The following DPF3 variants were observed in gnomAD, a reference collection of about 807,000 sequenced individuals.
The protein encoded by DPF3 is double PHD fingers 3.
DPF3 carries 18 observed loss-of-function variants against 56.8 expected under a neutral mutation model. The ratio of observed to expected loss-of-function variants is 0.32; its 90% confidence interval spans 0.22 to 0.47. The LOEUF (loss-of-function observed/expected upper bound fraction) is 0.47. Ranked by LOEUF, DPF3 falls within the 20% of genes least tolerant of loss-of-function variation. The probability of loss-of-function intolerance (pLI) is 1.00; values close to 1 mark genes in which losing one functional copy is unlikely to be tolerated. For missense variants in DPF3, 403 were observed against 488.8 expected, an observed-to-expected ratio of 0.82 and a Z score of 1.65; for synonymous variants, 188 against 180.2, an observed-to-expected ratio of 1.04 and a Z score of -0.35.
At chr14:72,773,447 T>C (rs1332501545) in intron 1 of DPF3, among the ~76,000 whole-genome samples, 1 of 152,186 alleles carries the variant, frequency 6.6e-6, no homozygotes, top group Non-Finnish European at 1.5e-5. Context: ...ATTTCTTAAT[T>C]GTGGTAAAAT....
At position 72,611,673 on chromosome 14, in the gene DPF3, G is replaced by T. The variant is rs1883735337; in HGVS notation, c.*7624C>A. Among the ~76,000 whole-genome samples, 1 of 152,162 alleles carries T rather than the reference G, an allele frequency of 6.6e-6. No individual in the cohort carries two copies. The highest frequency in any genetic ancestry group is 1.5e-5 in the Non-Finnish European group (1 of 68,036). The stretch of plus-strand genomic sequence containing the variant: ...ACACTGGCTGCCCAACACACTCCAG[G>T]CCAGGTGACTTCATCAGTTCACCAG... On this transcript the variant is annotated 3_prime_UTR_variant, in exon 11 of 11. Transcript: ENST00000556509.
chr14:72,879,969 G>A, intron 1 of DPF3: 1 of 1,470,668 alleles, frequency 6.8e-7, no homozygotes, highest in South Asian at 1.4e-5. Flanking sequence ...AAAGAAAGGT[G>A]AAAAAGAAAC....
At chr14:72,692,528 C>T (rs1221828892) in intron 7 of DPF3, among the ~76,000 whole-genome samples, 1 of 152,232 alleles carries the variant, frequency 6.6e-6, no homozygotes, top group Non-Finnish European at 1.5e-5. Context: ...ACCCAGATCA[C>T]ATTTGCCATT....
intron 9 of DPF3, among the ~76,000 whole-genome samples, chr14:72,628,368 T>C (rs1481877701): frequency 6.6e-6 from 1 of 152,090 alleles, no homozygotes; most frequent in African/African-American, 2.4e-5. Flanking sequence ...AGGGAAAGAA[T>C]CAAGCATTTT....
At chr14:72,691,205 C>T (rs1887665452) in intron 7 of DPF3, among the ~76,000 whole-genome samples, 1 of 152,112 alleles carries the variant, frequency 6.6e-6, no homozygotes, top group Non-Finnish European at 1.5e-5. Context: ...AAGGGTCTGT[C>T]GCACTAAAGG....
intron 1 of DPF3, among the ~76,000 whole-genome samples, chr14:72,855,016 C>T (rs1424380001): frequency 6.6e-6 from 1 of 152,002 alleles, no homozygotes; most frequent in African/African-American, 2.4e-5. Flanking sequence ...TTGTGCAGTC[C>T]CCGGATGATC....
At chr14:72,787,530 C>G (rs2098195) in intron 1 of DPF3, among the ~76,000 whole-genome samples, 7,591 of 152,206 alleles carry the variant, frequency 0.05, 464 homozygotes, top group African/African-American at 0.15. Flanking sequence ...TAAGTCATTA[C>G]CAGGAACATA....
intron 1 of DPF3, among the ~76,000 whole-genome samples, chr14:72,884,647 C>T (rs956823054): frequency 5.9e-5 from 9 of 151,750 alleles, no homozygotes; most frequent in Non-Finnish European, 1.2e-4. Flanking sequence ...CTGTCATCAC[C>T]GTGCTTCCAC....
chr14:72,830,484 C>T (rs1884007545), intron 1 of DPF3, among the ~76,000 whole-genome samples: 1 of 152,196 alleles, frequency 6.6e-6, no homozygotes, highest in Non-Finnish European at 1.5e-5. Flanking sequence ...GAACTCAAAT[C>T]CCAGTTCCAC....
Position 72,690,572 on chromosome 14 carries a change from C to T in DPF3, c.742+2504G>A, listed in dbSNP as rs10220279. Among the ~76,000 whole-genome samples the T allele has an allele frequency of 4.2e-4, 63 of 151,342 alleles. 1 individual carries two copies. Among genetic ancestry groups the T allele is most frequent in the Admixed American group, 3.3e-4 (5 of 15,218 alleles). ...CACACACATGCACGCACACACACAA[C>T]GTACATACACAACACGTATACACAC... On this transcript the variant is annotated intron_variant, in intron 7 of 10. Coordinates refer to ENST00000556509, the MANE Select transcript of DPF3 (RefSeq NM_001280542.3).
rs927899741 is a variant in DPF3, at chr14:72,771,201, C to T, written c.193+532G>A. 4.0e-5 allele frequency among the ~76,000 whole-genome samples: 6 copies of T among 151,882 alleles called. No individual in the cohort carries two copies. In the South Asian group the frequency reaches 1.0e-3, roughly 26 times the overall value. On this transcript the variant is annotated intron_variant, in intron 2 of 10. Coordinates refer to ENST00000556509, the MANE Select transcript of DPF3 (RefSeq NM_001280542.3). ...AAAATAACAATAATAATAATAATAC[C>T]CAGCATTTTGGAAGCACATACTTGC... is the stretch of plus-strand genomic sequence containing the variant.
chr14:72,846,016 C>G (rs1214291604), intron 1 of DPF3, among the ~76,000 whole-genome samples: 1 of 152,076 alleles, frequency 6.6e-6, no homozygotes, highest in Non-Finnish European at 1.5e-5. Flanking sequence ...CCCCAGCTCC[C>G]TAGGAGGTCT....
intron 1 of DPF3, among the ~76,000 whole-genome samples, chr14:72,827,578 C>A (rs560154659): frequency 2.8e-5 from 4 of 140,882 alleles, no homozygotes; most frequent in Non-Finnish European, 6.0e-5. Flanking sequence ...CAAGTTCAAG[C>A]GATTCTCCCT....
At position 72,795,295 on chromosome 14, in the gene DPF3, AAT is replaced by A. The variant is rs71109748; in HGVS notation, c.33-23404_33-23403del. 2.2e-3 allele frequency among the ~76,000 whole-genome samples: 231 copies of A among 102,884 alleles called. 2 individuals carry two copies. The highest frequency in any genetic ancestry group is 7.2e-3 in the African/African-American group (193 of 26,906). 67.5% of individuals were successfully genotyped at this position (102,884 alleles called of 152,430 possible). Reference sequence around the variant, plus strand: ...TTTTTGACAAAAAAAAAAAAAAAAAAATATATATATATATATATATATAAGGC... The same window carrying A: ...TTTTTGACAAAAAAAAAAAAAAAAAAATATATATATATATATATATAAGGC... On this transcript the variant is annotated intron_variant, in intron 1 of 10. Coordinates refer to ENST00000556509, the MANE Select transcript of DPF3 (RefSeq NM_001280542.3).
chr14:72,814,350 C>CGA (rs149898189), intron 1 of DPF3, among the ~76,000 whole-genome samples: 8 of 151,942 alleles, frequency 5.3e-5, no homozygotes, highest in Admixed American at 1.3e-4. Context: ...TGTGTGAGAG[C>CGA]GAGAGAGAGA....
intron 1 of DPF3, among the ~76,000 whole-genome samples, chr14:72,812,864 C>T (rs917893896): frequency 8.5e-5 from 13 of 152,072 alleles, no homozygotes; most frequent in African/African-American, 1.9e-4. Context: ...CAGAGGCTGG[C>T]GGGTGAGGCT....
chr14:72,731,650 A>G (rs1408186276), intron 4 of DPF3, 157 bp downstream of exon 4: 7 of 1,002,694 alleles, frequency 7.0e-6, no homozygotes, highest in Non-Finnish European at 1.0e-5. Context: ...AAGTCAGAAA[A>G]GAATTTGGGA....
chr14:72,703,284 T>G (rs938053277), intron 6 of DPF3, among the ~76,000 whole-genome samples: 1 of 151,926 alleles, frequency 6.6e-6, no homozygotes, highest in Non-Finnish European at 1.5e-5. Context: ...GGATTGGGGG[T>G]AGGGGTGGGG....
chr14:72,834,089 C>T (rs1040125946), intron 1 of DPF3, among the ~76,000 whole-genome samples: 4 of 151,668 alleles, frequency 2.6e-5, no homozygotes, highest in South Asian at 2.1e-4. Flanking sequence ...GGCTGAGGCA[C>T]GAGAATTGAA....
Sources: gnomAD v4.1 joint callset for allele counts (sites outside exome capture counted in the v4.1 genomes callset) on GRCh38, gnomAD v4.1.1 for gene constraint, MANE v1.5 for transcripts, NCBI Gene and HGNC (gene_info 2026-07-23, HGNC 2026-07-21) for gene names.